The following CHRM3 variants were observed in gnomAD, a reference collection of about 807,000 sequenced individuals.
CHRM3 encodes muscarinic acetylcholine receptor M3.
CHRM3 carries 11 observed loss-of-function variants against 41.8 expected under a neutral mutation model. The observed-to-expected ratio is 0.26, with a 90% CI of 0.17 to 0.44. The LOEUF is 0.44. CHRM3 is among the 20% of genes least tolerant of loss of function. CHRM3 has a pLI of 1.00. For missense variants in CHRM3, 571 were observed against 745.4 expected, an observed-to-expected ratio of 0.77 and a Z score of 2.72; for synonymous variants, 297 against 301.4, an observed-to-expected ratio of 0.99 and a Z score of 0.15.
At chr1:239,810,022 C>A (rs956762876) in intron 5 of CHRM3, among the ~76,000 whole-genome samples, 7 of 152,142 alleles carry the variant, frequency 4.6e-5, no homozygotes, top group African/African-American at 1.7e-4. Flanking sequence ...TCTGCATCTG[C>A]CTTAAGATTC....
chr1:239,466,266 A>G (rs2147910596), intron 1 of CHRM3, among the ~76,000 whole-genome samples: 1 of 152,308 alleles, frequency 6.6e-6, no homozygotes, highest in South Asian at 2.1e-4. Context: ...AAGTGCTGGG[A>G]TTACAGGTGT....
Position 239,761,810 on chromosome 1 carries a change from C to T in CHRM3, c.-146-65442C>T, listed in dbSNP as rs558619413. ...CTCACACGCTCACATTGATCAGTTG[C>T]ACCGGACAGATGTCTGGAATTTCCT... is the stretch of plus-strand genomic sequence containing the variant. On this transcript the variant is annotated intron_variant, in intron 5 of 6. Transcript: ENST00000676153. 3.9e-5 allele frequency among the ~76,000 whole-genome samples: 6 copies of T among 152,284 alleles called. No individual in the cohort carries two copies. In the South Asian group the frequency reaches 1.2e-3, roughly 32 times the overall value.
intron 1 of CHRM3, among the ~76,000 whole-genome samples, chr1:239,471,137 C>G (rs1398389110): frequency 6.6e-6 from 1 of 151,582 alleles, no homozygotes; most frequent in Non-Finnish European, 1.5e-5. Flanking sequence ...CATAAATTCT[C>G]TGTGTTAATT....
At chr1:239,829,330 C>G (rs976414177) in intron 6 of CHRM3, among the ~76,000 whole-genome samples, 3 of 151,908 alleles carry the variant, frequency 2.0e-5, no homozygotes, top group Admixed American at 6.6e-5. Flanking sequence ...TCAGTTTGGT[C>G]AAAGATTTTC....
chr1:239,856,446 C>T (rs1675126362), intron 6 of CHRM3, among the ~76,000 whole-genome samples: 1 of 152,122 alleles, frequency 6.6e-6, no homozygotes, highest in Non-Finnish European at 1.5e-5. Flanking sequence ...CTCTCTCTCT[C>T]CTGCTGGCCA....
At chr1:239,804,342 G>GTT (rs11428693) in intron 5 of CHRM3, among the ~76,000 whole-genome samples, 191 of 149,908 alleles carry the variant, frequency 1.3e-3, no homozygotes, top group African/African-American at 2.2e-3. Context: ...CATTCATTGT[G>GTT]TTTTTTTTTT....
At chr1:239,685,506 C>T (rs1659046699) in intron 5 of CHRM3, among the ~76,000 whole-genome samples, 1 of 152,110 alleles carries the variant, frequency 6.6e-6, no homozygotes, top group Admixed American at 6.5e-5. Context: ...TCCTCTCGTG[C>T]ATTGGGTTGT....
intron 5 of CHRM3, among the ~76,000 whole-genome samples, chr1:239,724,089 G>T (rs1237983904): frequency 6.6e-6 from 1 of 150,936 alleles, no homozygotes; most frequent in African/African-American, 2.4e-5. Flanking sequence ...AGTCAATATT[G>T]GCCCAAAGTC....
At chr1:239,849,791 A>G (rs1674557212) in intron 6 of CHRM3, among the ~76,000 whole-genome samples, 1 of 152,148 alleles carries the variant, frequency 6.6e-6, no homozygotes, top group South Asian at 2.1e-4. Context: ...GGTATTTGCA[A>G]AAATTAAGAC....
intron 5 of CHRM3, among the ~76,000 whole-genome samples, chr1:239,813,904 G>C (rs551279900): frequency 1.2e-3 from 98 of 82,486 alleles, no homozygotes; most frequent in Non-Finnish European, 1.8e-3. Flanking sequence ...GCGACAGAGC[G>C]AGACTCCGTC....
chr1:239,795,325 GT>G (rs1669682508), intron 5 of CHRM3, among the ~76,000 whole-genome samples: 1 of 152,152 alleles, frequency 6.6e-6, no homozygotes, highest in Non-Finnish European at 1.5e-5. Flanking sequence ...CTTAAAGTTT[GT>G]TTTTCTCAAG....
At chr1:239,726,154 T>A (rs1663418701) in intron 5 of CHRM3, among the ~76,000 whole-genome samples, 1 of 151,968 alleles carries the variant, frequency 6.6e-6, no homozygotes, top group African/African-American at 2.4e-5. Context: ...GCCAAGGCCC[T>A]TTTCTGAAAA....
At chr1:239,397,113 T>TGATATA (rs1409102823) in intron 1 of CHRM3, among the ~76,000 whole-genome samples, 2 of 152,216 alleles carry the variant, frequency 1.3e-5, no homozygotes, top group Non-Finnish European at 2.9e-5. Context: ...CTTATGTCTT[T>TGATATA]AGGCTAATGT....
At chr1:239,823,647 C>T (rs1672226408) in intron 5 of CHRM3, among the ~76,000 whole-genome samples, 1 of 151,822 alleles carries the variant, frequency 6.6e-6, no homozygotes, top group Admixed American at 6.6e-5. Flanking sequence ...CCTTCAGAAG[C>T]AATTATAAAC....
Position 239,832,518 on chromosome 1 carries a change from TCCTGATCCAGA to T in CHRM3, c.-20+5144_-20+5154del, listed in dbSNP as rs147580584. ...TAGACAAACTGTTACCGGGAAGGGG[TCCTGATCCAGA>T]CCTTAAAAGAGGGCTCTTGGATCTC... On this transcript the variant is annotated intron_variant, in intron 6 of 6. Transcript: ENST00000676153. Among the ~76,000 whole-genome samples, 13 of 152,124 alleles carry T rather than the reference TCCTGATCCAGA, an allele frequency of 8.5e-5. No individual in the cohort carries two copies. The East Asian group carries it at 2.3e-3, about 27-fold the overall frequency.
intron 2 of CHRM3, among the ~76,000 whole-genome samples, chr1:239,528,409 T>A (rs1670148388): frequency 2.0e-5 from 3 of 152,222 alleles, no homozygotes; most frequent in Admixed American, 2.0e-4. Flanking sequence ...GCCCCTTGGC[T>A]GACCATCTGT....
intron 5 of CHRM3, among the ~76,000 whole-genome samples, chr1:239,791,651 G>A (rs1277332741): frequency 1.3e-5 from 2 of 152,176 alleles, no homozygotes; most frequent in Non-Finnish European, 2.9e-5. Context: ...AAACCAATCA[G>A]AGGGCTCAGT....
At chr1:239,634,117 C>T (rs1047912665) in intron 4 of CHRM3, among the ~76,000 whole-genome samples, 1 of 152,162 alleles carries the variant, frequency 6.6e-6, no homozygotes, top group African/African-American at 2.4e-5. Context: ...CTGTCAGATG[C>T]TGATCCCTGT....
intron 1 of CHRM3, among the ~76,000 whole-genome samples, chr1:239,460,880 T>A (rs1333428131): frequency 6.6e-6 from 1 of 152,210 alleles, no homozygotes; most frequent in African/African-American, 2.4e-5. Context: ...TAGTGATTCC[T>A]ATGCTTCAGA....
Sources: gnomAD v4.1 joint callset for allele counts (sites outside exome capture counted in the v4.1 genomes callset) on GRCh38, gnomAD v4.1.1 for gene constraint, MANE v1.5 for transcripts, NCBI Gene and HGNC (gene_info 2026-07-23, HGNC 2026-07-21) for gene names.